MYH14: variants seen among roughly 807,000 people sequenced by gnomAD.
The protein encoded by MYH14 is myosin heavy chain 14.
A neutral mutation model predicts 255.5 loss-of-function variants in MYH14; 123 were observed. The ratio of observed to expected loss-of-function variants is 0.48; its 90% confidence interval spans 0.42 to 0.56. The LOEUF is 0.56. Among genes scored for constraint, MYH14 ranks in the 20% least tolerant of loss-of-function variants. The probability of loss-of-function intolerance (pLI) is 0.00; values close to 1 mark genes in which losing one functional copy is unlikely to be tolerated. For missense variants in MYH14, 2,423 were observed against 2,802.3 expected, an observed-to-expected ratio of 0.86 and a Z score of 3.06; for synonymous variants, 1,095 against 1,161.2, an observed-to-expected ratio of 0.94 and a Z score of 1.16.
chr19:50,222,609 C>A (rs2032891845), intron 3 of MYH14, among the ~76,000 whole-genome samples: 1 of 152,006 alleles, frequency 6.6e-6, no homozygotes, highest in African/African-American at 2.4e-5. Context: ...TGTAGGGGCA[C>A]ACACCCTGCC....
chr19:50,309,752 C>T lies in MYH14; in HGVS notation c.6073C>T (p.Pro2025Ser). The T allele has an allele frequency of 1.3e-6, 2 of 1,591,620 alleles. No individual in the cohort carries two copies. Among genetic ancestry groups the T allele is most frequent in the Non-Finnish European group, 1.7e-6 (2 of 1,169,544 alleles). Reference sequence around the variant, plus strand: ...AGCACAGCCTGGGTCTGGGCCATCCCCGGAGCCTGAGGGGTCCCCACCAGC... The same window carrying T: ...AGCACAGCCTGGGTCTGGGCCATCCTCGGAGCCTGAGGGGTCCCCACCAGC... Reference protein sequence around the residue: ...EEAQPGSGPSPEPEGSPPAHP... With the variant: ...EEAQPGSGPSSEPEGSPPAHP... The change falls in exon 43 of 43, where the codon CCG (proline) becomes TCG (serine). Residue 2025 changes from proline to serine, a missense_variant. Physicochemically the swap from Pro to Ser is moderately conservative, Grantham distance 74. This residue lies in a region of MYH14 where 1,513 missense variants were observed against 1,674.8 expected (regional missense o/e 0.90). Transcript: ENST00000642316.
At chr19:50,244,101 G>T (rs190313660) in intron 10 of MYH14, 141 bp from the exon 11 acceptor site, 12 of 688,418 alleles carry the variant, frequency 1.7e-5, no homozygotes, top group East Asian at 1.4e-4. Context: ...GAGCTATCAC[G>T]CCCATCCCAC....
At chr19:50,220,404 TTA>T (rs2032759335) in intron 3 of MYH14, among the ~76,000 whole-genome samples, 2 of 149,252 alleles carry the variant, frequency 1.3e-5, no homozygotes, top group South Asian at 4.2e-4. Flanking sequence ...TTATTATACT[TTA>T]TATTTATTTT....
At position 50,271,556 on chromosome 19, in the gene MYH14, C is replaced by T. The variant is rs1304661980; in HGVS notation, c.3171+10C>T. On this transcript the variant is annotated intron_variant, in intron 25 of 42. Transcript: ENST00000642316. Reference sequence around the variant, plus strand: ...TTCCAAGCTGAGCAAGGTTGGGGGCCTGAGGGCAGCTGGGAAAGTGGGGAT... The same window carrying T: ...TTCCAAGCTGAGCAAGGTTGGGGGCTTGAGGGCAGCTGGGAAAGTGGGGAT... 3.1e-6 allele frequency: 5 copies of T among 1,601,050 alleles called. No homozygotes were observed. Among genetic ancestry groups the T allele is most frequent in the Middle Eastern group, 3.3e-4 (2 of 5,972 alleles).
chr19:50,250,494 C>G lies in MYH14; in HGVS notation c.1657-21C>G. ...AATATGTGGGGATCTGACTTACTCTCCCCCTGCTGTCAATGGCCAGGCCAA... is the reference window on the plus strand; with the variant it reads ...AATATGTGGGGATCTGACTTACTCTGCCCCTGCTGTCAATGGCCAGGCCAA... On this transcript the variant is annotated intron_variant, in intron 14 of 42. Transcript: ENST00000642316. This position sits in a 1 kb window ranked among gnomAD's most constrained non-coding sequence, Gnocchi z 5.4. The G allele has an allele frequency of 6.2e-7, 1 of 1,608,104 alleles. No individual in the cohort carries two copies. The highest frequency in any genetic ancestry group is 1.1e-5 in the South Asian group (1 of 89,746).
chr19:50,233,173 T>G (rs1327709917), intron 10 of MYH14, among the ~76,000 whole-genome samples: 2 of 148,982 alleles, frequency 1.3e-5, no homozygotes, highest in Non-Finnish European at 3.0e-5. Flanking sequence ...CCACCCCCAC[T>G]TTTTTTTTTC....
chr19:50,233,862 T>C (rs2033533375), intron 10 of MYH14, among the ~76,000 whole-genome samples: 1 of 135,184 alleles, frequency 7.4e-6, no homozygotes. Flanking sequence ...GGAGTCTTGC[T>C]GGAGTGCAAG....
chr19:50,281,040 A>G (rs2035700925), intron 32 of MYH14, among the ~76,000 whole-genome samples: 3 of 152,060 alleles, frequency 2.0e-5, no homozygotes, highest in Admixed American at 1.3e-4. Flanking sequence ...GCCCCTTCAA[A>G]CTAGAATCCC....
At chr19:50,214,522 G>A (rs1440144231) in intron 2 of MYH14, among the ~76,000 whole-genome samples, 1 of 152,096 alleles carries the variant, frequency 6.6e-6, no homozygotes, top group Non-Finnish European at 1.5e-5. Context: ...TGAGAAACAC[G>A]GAAGATGCAT....
At chr19:50,296,331 G>A (rs2036264974) in intron 39 of MYH14, among the ~76,000 whole-genome samples, 1 of 152,124 alleles carries the variant, frequency 6.6e-6, no homozygotes, top group Non-Finnish European at 1.5e-5. Context: ...GGGCTGGCTG[G>A]GCGCAGTGGC....
intron 2 of MYH14, among the ~76,000 whole-genome samples, chr19:50,212,412 A>C (rs1263202771): frequency 6.6e-6 from 1 of 152,216 alleles, no homozygotes; most frequent in Non-Finnish European, 1.5e-5. Flanking sequence ...TTAATCGAGC[A>C]CTCGTGATGT....
intron 34 of MYH14, among the ~76,000 whole-genome samples, chr19:50,289,003 C>A (rs997153826): frequency 3.3e-5 from 5 of 152,070 alleles, no homozygotes; most frequent in African/African-American, 1.2e-4. Flanking sequence ...GTCGGTGACA[C>A]CCTGGGGAGT....
rs938597064 is a variant in MYH14 at position 50,248,900 on chromosome 19, G to A, written c.1330-87G>A. 16 of 1,464,980 alleles carry A rather than the reference G, an allele frequency of 1.1e-5. No homozygotes were observed. In the East Asian group the frequency reaches 3.0e-4, roughly 28 times the overall value. The allele number at this position is 1,464,980 out of a possible 1,614,324, so 90.7% of individuals were successfully genotyped here. On this transcript the variant is annotated intron_variant, in intron 12 of 42. Transcript: ENST00000642316. The stretch of plus-strand genomic sequence containing the variant: ...TGGGAGGCGACCTTAAGGGGGACGA[G>A]CTGGGGGCCCTTCCCCGGTTCACCC...
At chr19:50,213,431 C>G (rs1384777826) in intron 2 of MYH14, among the ~76,000 whole-genome samples, 2 of 152,068 alleles carry the variant, frequency 1.3e-5, no homozygotes, top group African/African-American at 4.8e-5. Context: ...GACTGCAGAC[C>G]CCAGGTCCTA....
At chr19:50,239,652 C>T (rs1198202281) in intron 10 of MYH14, among the ~76,000 whole-genome samples, 8 of 152,130 alleles carry the variant, frequency 5.3e-5, no homozygotes. Context: ...CCGGTTCATG[C>T]CATTCTCCTG....
At position 50,232,530 on chromosome 19, in the gene MYH14, G is replaced by T. The variant is rs2033449859; in HGVS notation, c.1114+460G>T. ...AATAGTTTGAACCCAGGAGGCGGAG[G>T]TTGCAGTGAGCTGAGATCGCACCAC... On this transcript the variant is annotated intron_variant, in intron 10 of 42. Coordinates refer to ENST00000642316, the MANE Select transcript of MYH14 (RefSeq NM_001145809.2). Among the ~76,000 whole-genome samples, 2 of 147,396 alleles carry T rather than the reference G, an allele frequency of 1.4e-5. 1 individual carries two copies. Among genetic ancestry groups the T allele is most frequent in the South Asian group, 4.3e-4 (2 of 4,648 alleles).
chr19:50,271,723 A>G, intron 25 of MYH14, 126 bp from the exon 26 acceptor site: 1 of 1,477,104 alleles, frequency 6.8e-7, no homozygotes, highest in Non-Finnish European at 9.1e-7. Context: ...TAGGGGGAGG[A>G]AGGTCAGAGA....
intron 24 of MYH14, among the ~76,000 whole-genome samples, chr19:50,269,570 T>C (rs2035218802): frequency 1.3e-5 from 2 of 152,096 alleles, no homozygotes; most frequent in Non-Finnish European, 2.9e-5. Context: ...CACACAGCAC[T>C]GGGCACCAGA....
chr19:50,295,266 A>C (rs1295689781), intron 39 of MYH14, among the ~76,000 whole-genome samples: 1 of 152,042 alleles, frequency 6.6e-6, no homozygotes, highest in African/African-American at 2.4e-5. Flanking sequence ...CAGAGCTTGC[A>C]GTAAGCCGAG....
Sources: allele counts gnomAD v4.1 joint callset (sites outside exome capture counted in the v4.1 genomes callset), GRCh38; gene constraint gnomAD v4.1.1; regional missense constraint gnomAD v4.1.1; non-coding constraint Gnocchi (gnomAD v3.1); transcripts MANE v1.5; gene names NCBI Gene and HGNC (gene_info 2026-07-23, HGNC 2026-07-21).